SOS2: variants seen among roughly 807,000 people sequenced by gnomAD.
The protein encoded by SOS2 is son of sevenless homolog 2.
In SOS2, 65 loss-of-function variants were observed where a neutral mutation model predicts 148.2. That is an observed-to-expected ratio of 0.44 (90% CI 0.36 to 0.54). The LOEUF (loss-of-function observed/expected upper bound fraction) is 0.54, where lower values mean the gene tolerates loss of function less well. SOS2 is among the 20% of genes least tolerant of loss of function. The pLI is 0.00. For synonymous variants in SOS2, 539 were observed against 537.1 expected (o/e 1.00, Z -0.05); for missense variants, 1,341 against 1,590.2 (o/e 0.84, Z 2.67).
Position 50,145,511 on chromosome 14 carries a change from G to A in SOS2, c.2470C>T (p.Arg824Cys), listed in dbSNP as rs1473322050. Residue 824 changes from arginine (R) to cysteine (C), a missense_variant, in exon 15 of 23, where the codon CGC becomes TGC. Transcript: ENST00000216373. Reference sequence around the variant, plus strand: ...CAGAGGGTGAGATTTGTGGTATGGCGAATCATTTTTAATAAATTTGGAGAA... The same window carrying A: ...CAGAGGGTGAGATTTGTGGTATGGCAAATCATTTTTAATAAATTTGGAGAA... ...INSPNLLKMI[R>C]HTTNLTLWFE... The A allele has an allele frequency of 1.9e-6, 3 of 1,606,454 alleles. No individual in the cohort carries two copies. Among genetic ancestry groups the A allele is most frequent in the Admixed American group, 1.7e-5 (1 of 59,630 alleles).
intron 13 of SOS2, among the ~76,000 whole-genome samples, chr14:50,151,779 G>A (rs141823435): frequency 4.6e-5 from 7 of 152,270 alleles, no homozygotes; most frequent in Non-Finnish European, 1.0e-4. Flanking sequence ...CTTGTGTGCA[G>A]TGTTGCAATT....
At chr14:50,178,362 C>A (rs1325514359) in intron 7 of SOS2, among the ~76,000 whole-genome samples, 1 of 152,132 alleles carries the variant, frequency 6.6e-6, no homozygotes, top group Non-Finnish European at 1.5e-5. Flanking sequence ...CCGCCATGAT[C>A]GTAAGTTTCC....
At chr14:50,229,239 A>G (rs190513686) in intron 1 of SOS2, among the ~76,000 whole-genome samples, 92 of 152,344 alleles carry the variant, frequency 6.0e-4, no homozygotes, top group African/African-American at 2.1e-3. Flanking sequence ...TTTTCCAAAA[A>G]TATAAAAAAA....
Position 50,157,109 on chromosome 14 carries a change from T to C in SOS2, c.1947A>G (p.Pro649=), listed in dbSNP as rs1884846692. The C allele has an allele frequency of 1.2e-6, 2 of 1,610,794 alleles. No individual in the cohort carries two copies. Among genetic ancestry groups the C allele is most frequent in the Admixed American group, 1.7e-5 (1 of 59,794 alleles). Residue 649 remains proline, a synonymous_variant, in exon 12 of 23, where the codon CCA becomes CCG. Coordinates refer to ENST00000216373, the MANE Select transcript of SOS2 (RefSeq NM_006939.4). ...TGTCTGCGTCAGTAGGTTCTGGCTC[T>C]GGAATTTCAAACCTAAGAAGAAAAG... ...LSLLIERFEI[P]EPEPTDADKL...
At chr14:50,223,536 G>A (rs1007786407) in intron 1 of SOS2, among the ~76,000 whole-genome samples, 8 of 151,938 alleles carry the variant, frequency 5.3e-5, no homozygotes, top group African/African-American at 1.7e-4. Context: ...TTACCTGGGC[G>A]TGGTGGCACA....
chr14:50,196,350 C>T (rs1197398961), intron 4 of SOS2, among the ~76,000 whole-genome samples: 1 of 152,104 alleles, frequency 6.6e-6, no homozygotes, highest in East Asian at 1.9e-4. Context: ...TAAATGCAGG[C>T]ATATAATGCA....
At chr14:50,119,711 T>C (rs1172270387) in intron 22 of SOS2, among the ~76,000 whole-genome samples, 1 of 151,592 alleles carries the variant, frequency 6.6e-6, no homozygotes, top group Non-Finnish European at 1.5e-5. Flanking sequence ...AATTTTTGTA[T>C]TTTTAGTAGA....
intron 11 of SOS2, among the ~76,000 whole-genome samples, chr14:50,157,884 T>C (rs969048996): frequency 6.6e-5 from 10 of 152,114 alleles, no homozygotes; most frequent in African/African-American, 2.4e-4. Flanking sequence ...TAAAACAAAT[T>C]CAACCCAACA....
At position 50,182,869 on chromosome 14, in the gene SOS2, C is replaced by T. The variant is rs955148827; in HGVS notation, c.715-263G>A. ...AACTTTGGGGCTTACCTGCCCTGCA[C>T]CAAATACATCATTTAATTTATGGGT... On this transcript the variant is annotated intron_variant, in intron 5 of 22. Transcript: ENST00000216373. 5.9e-5 allele frequency among the ~76,000 whole-genome samples: 9 copies of T among 152,256 alleles called. 1 individual carries two copies. Among genetic ancestry groups the T allele is most frequent in the Middle Eastern group, 3.4e-3 (1 of 294 alleles).
At chr14:50,188,407 C>CA in intron 5 of SOS2, 90 bp downstream of exon 5, 6 of 900,514 alleles carry the variant, frequency 6.7e-6, no homozygotes, top group South Asian at 6.0e-5. Context: ...GACTCCGTCT[C>CA]AAAAAAATAA....
chr14:50,217,052 G>A (rs1887059325), intron 1 of SOS2, among the ~76,000 whole-genome samples: 1 of 152,116 alleles, frequency 6.6e-6, no homozygotes, highest in South Asian at 2.1e-4. Flanking sequence ...CTGATTTCAA[G>A]GATTTCTATA....
chr14:50,149,636 A>T lies in SOS2; in HGVS notation c.2384+372T>A, dbSNP rs979708123. 6.1e-4 allele frequency among the ~76,000 whole-genome samples: 93 copies of T among 152,208 alleles called. 4 individuals carry two copies. The highest frequency in any genetic ancestry group is 2.9e-5 in the Non-Finnish European group (2 of 68,034). ...TTCGCAACAGCCTGAGCTGTAAATG[A>T]GAAAAGAAAACCCATCTCACACAAT... On this transcript the variant is annotated intron_variant, in intron 14 of 22. Coordinates refer to ENST00000216373, the MANE Select transcript of SOS2 (RefSeq NM_006939.4).
chr14:50,167,979 C>G (rs1885223338), intron 8 of SOS2, among the ~76,000 whole-genome samples: 1 of 152,070 alleles, frequency 6.6e-6, no homozygotes, highest in African/African-American at 2.4e-5. Flanking sequence ...CCTATAAACT[C>G]AATTGTTTCA....
At position 50,139,778 on chromosome 14, in the gene SOS2, T is replaced by A. The variant is rs7155969; in HGVS notation, c.2785+164A>T. 8.8e-3 allele frequency among the ~76,000 whole-genome samples: 1,346 copies of A among 152,254 alleles called. 18 individuals carry two copies. The highest frequency in any genetic ancestry group is 0.031 in the African/African-American group (1,286 of 41,524). The stretch of plus-strand genomic sequence containing the variant: ...ATAACAACCCTATGAGATATTATAG[T>A]CTTCATTTTATAGAAAATAGAGAGT... On this transcript the variant is annotated intron_variant, in intron 17 of 22. Coordinates refer to ENST00000216373, the MANE Select transcript of SOS2 (RefSeq NM_006939.4).
chr14:50,124,150 A>G (rs1883612546), intron 21 of SOS2, among the ~76,000 whole-genome samples: 1 of 152,198 alleles, frequency 6.6e-6, no homozygotes, highest in Non-Finnish European at 1.5e-5. Flanking sequence ...AGAAGTCAGA[A>G]GAGAGGTTCT....
At chr14:50,184,864 C>CCAA (rs1555371757) in intron 5 of SOS2, among the ~76,000 whole-genome samples, 1 of 57,120 alleles carries the variant, frequency 1.8e-5, no homozygotes, top group Non-Finnish European at 3.3e-5. Flanking sequence ...ACCCTGTCTC[C>CCAA]AAAAAAAAAA....
At chr14:50,147,514 A>T (rs963966281) in intron 14 of SOS2, among the ~76,000 whole-genome samples, 8 of 2,680 alleles carry the variant, frequency 3.0e-3, no homozygotes, top group Non-Finnish European at 7.3e-3. Context: ...CCTGTTTCTA[A>T]AAAAAAAAAA....
At chr14:50,157,885 C>T (rs1398208649) in intron 11 of SOS2, among the ~76,000 whole-genome samples, 1 of 152,056 alleles carries the variant, frequency 6.6e-6, no homozygotes, top group Non-Finnish European at 1.5e-5. Flanking sequence ...AAAACAAATT[C>T]AACCCAACAC....
intron 4 of SOS2, among the ~76,000 whole-genome samples, chr14:50,192,143 CAAAA>C (rs201836422): frequency 2.9e-4 from 34 of 118,880 alleles, no homozygotes; most frequent in East Asian, 2.0e-3. Context: ...GTCCTTGTCA[CAAAA>C]AAAAAAAAAA....
Sources: allele counts gnomAD v4.1 joint callset (sites outside exome capture counted in the v4.1 genomes callset), GRCh38; gene constraint gnomAD v4.1.1; transcripts MANE v1.5; gene names NCBI Gene and HGNC (gene_info 2026-07-23, HGNC 2026-07-21).